The following MATCAP2 variants were observed in gnomAD, a reference collection of about 807,000 sequenced individuals.
The protein encoded by MATCAP2 is putative tyrosine carboxypeptidase MATCAP2.
chr7:36,367,326 G>T, the MATCAP2 span: 2 of 1,002,794 alleles, frequency 2.0e-6, no homozygotes, highest in Non-Finnish European at 2.4e-6. Flanking sequence ...CGGGCGGCGA[G>T]AGAGAGTGGG....
At chr7:36,386,425 ATATGTG>A in the MATCAP2 span, among the ~76,000 whole-genome samples, 1 of 144,964 alleles carries the variant, frequency 6.9e-6, no homozygotes, top group African/African-American at 2.6e-5. Context: ...TATATATGGT[ATATGTG>A]TATGTGTATG....
At chr7:36,372,038 A>G in the MATCAP2 span, among the ~76,000 whole-genome samples, 3 of 152,050 alleles carry the variant, frequency 2.0e-5, no homozygotes, top group African/African-American at 7.2e-5. Context: ...TTTCTATAGC[A>G]GAAGTTCAGT....
chr7:36,324,268 T>C, the MATCAP2 span: 1 of 152,210 alleles, frequency 6.6e-6, no homozygotes, highest in Non-Finnish European at 1.5e-5. Context: ...AGACACAAGA[T>C]GCCCAAAGAT....
At chr7:36,382,550 T>C in the MATCAP2 span, among the ~76,000 whole-genome samples, 1 of 151,974 alleles carries the variant, frequency 6.6e-6, no homozygotes, top group East Asian at 1.9e-4. Context: ...AGGAGTGCAG[T>C]GGCGTGATCT....
At chr7:36,366,647 C>T in the MATCAP2 span, 1 of 1,523,208 alleles carries the variant, frequency 6.6e-7, no homozygotes, top group South Asian at 1.2e-5. Context: ...CTTTGTAAGA[C>T]CAGCAACCGG....
the MATCAP2 span, among the ~76,000 whole-genome samples, chr7:36,332,949 C>T: frequency 1.1e-4 from 17 of 151,976 alleles, no homozygotes; most frequent in African/African-American, 4.1e-4. Flanking sequence ...TAGAGACTGC[C>T]TCTCTAGATT....
the MATCAP2 span, chr7:36,356,523 C>CA: frequency 1.2e-5 from 4 of 327,792 alleles, no homozygotes; most frequent in East Asian, 6.1e-5. Context: ...CAGAAAAAAA[C>CA]AAAAAACAAC....
the MATCAP2 span, among the ~76,000 whole-genome samples, chr7:36,348,843 G>GA: frequency 6.6e-6 from 1 of 152,214 alleles, no homozygotes; most frequent in African/African-American, 2.4e-5. Flanking sequence ...AGAAACTAAA[G>GA]AAAGTGAAAT....
At chr7:36,377,810 T>C in the MATCAP2 span, among the ~76,000 whole-genome samples, 1 of 152,228 alleles carries the variant, frequency 6.6e-6, no homozygotes, top group Admixed American at 6.5e-5. Context: ...CTTTTTACTC[T>C]TTTTTCTCTA....
chr7:36,379,034 C>T, the MATCAP2 span, among the ~76,000 whole-genome samples: 2 of 152,344 alleles, frequency 1.3e-5, no homozygotes, highest in East Asian at 1.9e-4. Context: ...AAAGGGAAAT[C>T]CCCTGACCCC....
chr7:36,386,969 G>A, the MATCAP2 span, among the ~76,000 whole-genome samples: 15 of 152,018 alleles, frequency 9.9e-5, no homozygotes, highest in Non-Finnish European at 1.6e-4. Flanking sequence ...TGGGGTCTTT[G>A]GAATGAAAAA....
At chr7:36,342,771 C>T in the MATCAP2 span, among the ~76,000 whole-genome samples, 3 of 152,208 alleles carry the variant, frequency 2.0e-5, no homozygotes, top group Admixed American at 2.0e-4. Context: ...ACTGCAGGCG[C>T]ATGCTGCCAC....
chr7:36,342,153 A>T, the MATCAP2 span, among the ~76,000 whole-genome samples: 1 of 151,580 alleles, frequency 6.6e-6, no homozygotes, highest in Non-Finnish European at 1.5e-5. Flanking sequence ...GTTTTGGTGG[A>T]GTATAGTTTG....
At chr7:36,347,490 A>G in the MATCAP2 span, among the ~76,000 whole-genome samples, 6 of 152,194 alleles carry the variant, frequency 3.9e-5, no homozygotes, top group African/African-American at 7.2e-5. Context: ...CTGGTTTTAC[A>G]TTGGGGCCCC....
the MATCAP2 span, among the ~76,000 whole-genome samples, chr7:36,342,868 C>T: frequency 6.6e-6 from 1 of 152,166 alleles, no homozygotes; most frequent in Admixed American, 6.5e-5. Context: ...TCAGGCAATC[C>T]GCCTGCCTCC....
At chr7:36,343,649 A>G in the MATCAP2 span, among the ~76,000 whole-genome samples, 1 of 5,206 alleles carries the variant, frequency 1.9e-4, no homozygotes, top group Non-Finnish European at 4.8e-3. Flanking sequence ...AGAAAAAGAA[A>G]AGAGAAGGAA....
At chr7:36,328,828 G>A in the MATCAP2 span, among the ~76,000 whole-genome samples, 31 of 152,082 alleles carry the variant, frequency 2.0e-4, no homozygotes, top group African/African-American at 6.7e-4. Context: ...GGCGCATCCC[G>A]AGGTCAGGAG....
At chr7:36,335,302 TC>T in the MATCAP2 span, 1 of 889,742 alleles carries the variant, frequency 1.1e-6, no homozygotes, top group Non-Finnish European at 1.7e-6. Context: ...ACCTTAAATC[TC>T]CCAGAAACCA....
At chr7:36,336,790 T>A in the MATCAP2 span, among the ~76,000 whole-genome samples, 90,272 of 151,668 alleles carry the variant, frequency 0.6, 27,228 homozygotes, top group East Asian at 0.71. Flanking sequence ...ATAAAAATTT[T>A]AAAAAAATTT....
Sources: gnomAD v4.1 joint callset for allele counts (sites outside exome capture counted in the v4.1 genomes callset) on GRCh38, gnomAD v4.1.1 for gene constraint, MANE v1.5 for transcripts, NCBI Gene and HGNC (gene_info 2026-07-23, HGNC 2026-07-21) for gene names.